The following VIRMA variants were observed in gnomAD, a reference collection of about 807,000 sequenced individuals.
VIRMA encodes the protein vir like m6A methyltransferase associated.
Under a neutral mutation model 182.4 loss-of-function variants are expected in VIRMA, and 65 were observed. The ratio of observed to expected loss-of-function variants is 0.36; its 90% CI spans 0.29 to 0.44. VIRMA has a LOEUF of 0.44. VIRMA is among the 20% of genes least tolerant of loss of function. The probability of loss-of-function intolerance (pLI) is 1.00; values close to 1 mark genes in which losing one functional copy is unlikely to be tolerated. For missense variants in VIRMA, 1,752 were observed against 2,158.1 expected (o/e 0.81, Z 3.73); for synonymous variants, 709 against 743.1 (o/e 0.95, Z 0.75).
chr8:94,537,240 A>G (rs1739777156), intron 3 of VIRMA, 89 bp from the exon 4 acceptor site: 1 of 864,218 alleles, frequency 1.2e-6, no homozygotes, highest in Admixed American at 2.1e-5. Flanking sequence ...ATATTTTAAT[A>G]TAATCAAATG....
At chr8:94,527,427 T>A in intron 7 of VIRMA, 64 bp from the exon 8 acceptor site, 1 of 1,011,582 alleles carries the variant, frequency 9.9e-7, no homozygotes, top group Non-Finnish European at 1.4e-6. Context: ...TAAATTCTGA[T>A]TGAACAAGAA....
intron 15 of VIRMA, among the ~76,000 whole-genome samples, chr8:94,507,969 GTATA>G (rs1563461630): frequency 7.1e-6 from 1 of 141,350 alleles, no homozygotes; most frequent in African/African-American, 3.0e-5. Flanking sequence ...ATACATATGT[GTATA>G]TATGTATATA....
chr8:94,507,387 G>A (rs1229621790), intron 15 of VIRMA, among the ~76,000 whole-genome samples: 36 of 151,392 alleles, frequency 2.4e-4, no homozygotes, highest in African/African-American at 7.0e-4. Flanking sequence ...CACCTGCCTC[G>A]GCCTCCCAAA....
At chr8:94,542,130 G>A (rs1370830538) in intron 2 of VIRMA, among the ~76,000 whole-genome samples, 3 of 152,168 alleles carry the variant, frequency 2.0e-5, no homozygotes, top group African/African-American at 7.2e-5. Flanking sequence ...TATGTGGTAA[G>A]GTGTACACCC....
intron 3 of VIRMA, among the ~76,000 whole-genome samples, chr8:94,537,977 T>G (rs2130376764): frequency 6.6e-6 from 1 of 152,332 alleles, no homozygotes; most frequent in African/African-American, 2.4e-5. Flanking sequence ...TTTTCCAAAT[T>G]AGAAGGTTAC....
chr8:94,549,774 T>C (rs572957194), intron 1 of VIRMA, among the ~76,000 whole-genome samples: 9 of 152,258 alleles, frequency 5.9e-5, no homozygotes, highest in Non-Finnish European at 1.0e-4. Flanking sequence ...TCAGTTTCCT[T>C]ATCTATAAAA....
chr8:94,515,075 C>G, intron 10 of VIRMA, 124 bp from the exon 11 acceptor site: 1 of 495,436 alleles, frequency 2.0e-6, no homozygotes, highest in South Asian at 4.0e-5. Flanking sequence ...AAACTTCATG[C>G]AGGGATGGAC....
intron 1 of VIRMA, chr8:94,546,994 A>C (rs1189018598): frequency 2.2e-6 from 1 of 455,176 alleles, no homozygotes; most frequent in African/African-American, 2.1e-5. Flanking sequence ...CTTGAAATCT[A>C]TCACATCCTT....
intron 2 of VIRMA, among the ~76,000 whole-genome samples, chr8:94,543,352 G>T (rs1815632126): frequency 7.7e-6 from 1 of 129,990 alleles, no homozygotes; most frequent in South Asian, 2.5e-4. Flanking sequence ...AGTGAGCCAA[G>T]ATTGCGCCAT....
intron 12 of VIRMA, 50 bp from the exon 13 acceptor site, chr8:94,511,779 T>C (rs1814386414): frequency 8.5e-7 from 1 of 1,172,062 alleles, no homozygotes; most frequent in East Asian, 2.7e-5. Flanking sequence ...TATATGTTAA[T>C]AACTGATTAA....
At position 94,553,428 on chromosome 8, in the gene VIRMA, A is replaced by G. The variant is rs959716679; in HGVS notation, c.20T>C (p.Met7Thr). The G allele has an allele frequency of 1.9e-6, 3 of 1,614,184 alleles. No individual in the cohort carries two copies. The highest frequency in any genetic ancestry group is 2.5e-6 in the Non-Finnish European group (3 of 1,180,016). The change falls in exon 1 of 24, where the codon ATG (methionine) becomes ACG (threonine). Residue 7 changes from methionine to threonine, a missense_variant. Physicochemically the swap from Met to Thr is moderately conservative, Grantham distance 81 (BLOSUM62 -1). This residue lies in a region of VIRMA where 195 missense variants were observed against 191.7 expected (regional missense o/e 1.02). Transcript: ENST00000297591. ...AAAAGTATCTAAAAATAACAGCTCCATCGCCGAGTCCACCGCCATGTTTGC... is the reference window on the plus strand; with the variant it reads ...AAAAGTATCTAAAAATAACAGCTCCGTCGCCGAGTCCACCGCCATGTTTGC... MAVDSA[M>T]ELLFLDTFKH...
rs369302008 is a variant in VIRMA at position 94,502,808 on chromosome 8, G to A, written c.4098-3302C>T. Among the ~76,000 whole-genome samples, 14 of 151,960 alleles carry A rather than the reference G, an allele frequency of 9.2e-5. No individual in the cohort carries two copies. In the East Asian group the frequency reaches 1.7e-3, roughly 19 times the overall value. On this transcript the variant is annotated intron_variant, in intron 16 of 23. Coordinates refer to ENST00000297591, the MANE Select transcript of VIRMA (RefSeq NM_015496.5). ...TTAAGTCAGAGCTATGTAACAAACC[G>A]GAACGTTCTGCACATGTATCCCAGA...
At position 94,545,958 on chromosome 8, in the gene VIRMA, G is replaced by C. The variant is rs556615162; in HGVS notation, c.64-2016C>G. The stretch of plus-strand genomic sequence containing the variant: ...TGTAGTCCCAGCTACTCAGGAGACT[G>C]AGGTGAGAGGATCACTTATGCCCAG... On this transcript the variant is annotated intron_variant, in intron 1 of 23. Coordinates refer to ENST00000297591, the MANE Select transcript of VIRMA (RefSeq NM_015496.5). Among the ~76,000 whole-genome samples the C allele has an allele frequency of 3.3e-5, 5 of 152,180 alleles. No individual in the cohort carries two copies. The South Asian group carries it at 1.0e-3, about 32-fold the overall frequency.
intron 15 of VIRMA, 68 bp downstream of exon 15, chr8:94,509,619 CT>C: frequency 2.1e-6 from 3 of 1,450,542 alleles, no homozygotes; most frequent in Middle Eastern, 3.6e-4. Flanking sequence ...CATCAAGATG[CT>C]TAAATACACA....
intron 15 of VIRMA, among the ~76,000 whole-genome samples, chr8:94,508,473 G>A (rs11992893): frequency 0.24 from 36,032 of 151,952 alleles, 5,318 homozygotes; most frequent in East Asian, 0.5. Flanking sequence ...ATTCAACTTG[G>A]CTTAAACTAT....
At chr8:94,529,009 A>G in intron 7 of VIRMA, 61 bp downstream of exon 7, 1 of 1,574,630 alleles carries the variant, frequency 6.4e-7, no homozygotes, top group Non-Finnish European at 8.6e-7. Context: ...TGCATTTTTC[A>G]AAGCTGTATC....
rs906667119 is a variant in VIRMA at position 94,488,036 on chromosome 8, C to G, written c.*670G>C. 3 of 152,090 alleles carry G rather than the reference C, an allele frequency of 2.0e-5. No individual in the cohort carries two copies. The highest frequency in any genetic ancestry group is 4.4e-5 in the Non-Finnish European group (3 of 68,016). The allele number at this position is 152,090 out of a possible 1,614,324, so 9.4% of individuals were successfully genotyped here. On this transcript the variant is annotated 3_prime_UTR_variant, in exon 24 of 24. Coordinates refer to ENST00000297591, the MANE Select transcript of VIRMA (RefSeq NM_015496.5). ...TTAGCAAATTAACATGGGTGCCACA[C>G]AATATTTTAAAATTTTTGAGAAAAA... is the stretch of plus-strand genomic sequence containing the variant.
chr8:94,545,076 T>C (rs753012291), intron 1 of VIRMA, among the ~76,000 whole-genome samples: 2 of 151,962 alleles, frequency 1.3e-5, no homozygotes, highest in Non-Finnish European at 2.9e-5. Flanking sequence ...AGTTAAGTTA[T>C]GATATGATCG....
intron 16 of VIRMA, 81 bp downstream of exon 16, chr8:94,506,419 A>T (rs1814155742): frequency 1.2e-6 from 1 of 843,336 alleles, no homozygotes; most frequent in Non-Finnish European, 1.8e-6. Flanking sequence ...TACAATAGGT[A>T]TGAATTAATG....
Sources: allele counts gnomAD v4.1 joint callset (sites outside exome capture counted in the v4.1 genomes callset), GRCh38; gene constraint gnomAD v4.1.1; regional missense constraint gnomAD v4.1.1; transcripts MANE v1.5; gene names NCBI Gene and HGNC (gene_info 2026-07-23, HGNC 2026-07-21).